NT5DC3: variants seen among roughly 807,000 people sequenced by gnomAD.
The protein encoded by NT5DC3 is 5'-nucleotidase domain-containing protein 3.
In NT5DC3, 42 loss-of-function variants were observed where a neutral mutation model predicts 67.8. That is an observed-to-expected ratio of 0.62 (90% CI 0.48 to 0.80). The LOEUF (loss-of-function observed/expected upper bound fraction) is 0.80, where lower values mean the gene tolerates loss of function less well. NT5DC3 is among the 30% of genes least tolerant of loss of function. NT5DC3 has a pLI of 0.00. For synonymous variants in NT5DC3, 237 were observed against 255.6 expected, an observed-to-expected ratio of 0.93 and a Z score of 0.69; for missense variants, 570 against 696.4, an observed-to-expected ratio of 0.82 and a Z score of 2.04.
chr12:103,840,926 G>T, intron 1 of NT5DC3, 23 bp downstream of exon 1: 11 of 1,325,268 alleles, frequency 8.3e-6, no homozygotes, highest in Non-Finnish European at 1.1e-5. Context: ...CAGGCGCCGG[G>T]GCGGGGTCGC....
rs1180236940 is a variant in NT5DC3 at position 103,775,124 on chromosome 12, T to C, written c.*2705A>G. ...CCTCCATCGTTCACATGGGAATGACTGTGTTCGGCCCCGTTACCGCCACGA... is the reference window on the plus strand; with the variant it reads ...CCTCCATCGTTCACATGGGAATGACCGTGTTCGGCCCCGTTACCGCCACGA... On this transcript the variant is annotated 3_prime_UTR_variant, in exon 14 of 14. Coordinates refer to ENST00000392876, the MANE Select transcript of NT5DC3 (RefSeq NM_001031701.3). The C allele has an allele frequency of 6.6e-6, 1 of 152,144 alleles. No individual in the cohort carries two copies. The highest frequency in any genetic ancestry group is 2.4e-5 in the African/African-American group (1 of 41,414). 9.4% of individuals were successfully genotyped at this position (152,144 alleles called of 1,614,324 possible).
downstream of NT5DC3, chr12:103,770,863 G>A (rs1885165668): frequency 6.6e-6 from 1 of 152,244 alleles, no homozygotes; most frequent in Admixed American, 6.5e-5. Flanking sequence ...AAGCCTTTGG[G>A]AGGTGATTAA....
At chr12:103,822,373 T>C (rs188406021) in intron 1 of NT5DC3, among the ~76,000 whole-genome samples, 1 of 152,086 alleles carries the variant, frequency 6.6e-6, no homozygotes, top group African/African-American at 2.4e-5. Context: ...TAAAAATCCA[T>C]ACAAAAGGAA....
At chr12:103,811,183 G>T (rs962123494) in intron 2 of NT5DC3, among the ~76,000 whole-genome samples, 4 of 151,446 alleles carry the variant, frequency 2.6e-5, no homozygotes, top group African/African-American at 9.8e-5. Context: ...CATTCTACCT[G>T]GGGGGGTAGA....
intron 4 of NT5DC3, among the ~76,000 whole-genome samples, chr12:103,800,639 A>G (rs1886529878): frequency 6.6e-6 from 1 of 152,212 alleles, no homozygotes; most frequent in East Asian, 1.9e-4. Context: ...GCTGCATCGA[A>G]TGAAGAGCCA....
chr12:103,765,350 G>A, the NT5DC3 span, among the ~76,000 whole-genome samples: 1 of 152,136 alleles, frequency 6.6e-6, no homozygotes, highest in Non-Finnish European at 1.5e-5. Flanking sequence ...AGACTACATG[G>A]CAAAAACATT....
intron 2 of NT5DC3, among the ~76,000 whole-genome samples, chr12:103,812,382 G>A (rs935802531): frequency 1.3e-5 from 2 of 152,184 alleles, no homozygotes; most frequent in African/African-American, 4.8e-5. Flanking sequence ...TAATATGCCT[G>A]ATATAATTAG....
rs536769069 is a variant in NT5DC3 at position 103,811,399 on chromosome 12, C to T, written c.393+3538G>A. 3.7e-3 allele frequency among the ~76,000 whole-genome samples: 562 copies of T among 152,132 alleles called. 1 individual carries two copies. The highest frequency in any genetic ancestry group is 0.013 in the African/African-American group (519 of 41,494). The stretch of plus-strand genomic sequence containing the variant: ...AGGAGCAGGAGGGGAGGAGAGGAGA[C>T]GGCTGGAGGAGGCTGGGGAGGCCCT... On this transcript the variant is annotated intron_variant, in intron 2 of 13. Coordinates refer to ENST00000392876, the MANE Select transcript of NT5DC3 (RefSeq NM_001031701.3).
the NT5DC3 span, among the ~76,000 whole-genome samples, chr12:103,748,127 C>T: frequency 5.6e-4 from 85 of 152,134 alleles, no homozygotes; most frequent in African/African-American, 2.0e-3. Context: ...TATATACTTT[C>T]TTTACACAAA....
the NT5DC3 span, chr12:103,750,869 T>A: frequency 1.8e-6 from 2 of 1,101,984 alleles, no homozygotes; most frequent in African/African-American, 1.6e-5. Flanking sequence ...GGCAGATGGA[T>A]CACTTGAGGT....
the NT5DC3 span, among the ~76,000 whole-genome samples, chr12:103,749,872 A>AG: frequency 3.0e-4 from 40 of 131,480 alleles, 4 homozygotes; most frequent in Non-Finnish European, 5.5e-4. Context: ...AAAAAAAAAA[A>AG]GCTGGTAAGA....
At chr12:103,796,273 T>G (rs976131786) in intron 6 of NT5DC3, among the ~76,000 whole-genome samples, 1 of 151,720 alleles carries the variant, frequency 6.6e-6, no homozygotes. Context: ...TCCCAGTACT[T>G]TGGGAGGCTG....
At chr12:103,792,611 C>T (rs1593395188) in intron 9 of NT5DC3, among the ~76,000 whole-genome samples, 1 of 152,276 alleles carries the variant, frequency 6.6e-6, no homozygotes, top group South Asian at 2.1e-4. Flanking sequence ...TAAATACTAA[C>T]AGCACACTCT....
At chr12:103,753,196 C>T in the NT5DC3 span, 739 of 1,612,638 alleles carry the variant, frequency 4.6e-4, 1 homozygote, top group African/African-American at 7.7e-3. Context: ...CTGACCTGGG[C>T]GATTCCTCCT....
Position 103,773,927 on chromosome 12 carries a change from T to C in NT5DC3, c.*3902A>G, listed in dbSNP as rs142741670. Reference sequence around the variant, plus strand: ...GTAGTCTGTAATATGCCCAAATCAGTAGCAAGTGGTTTATGTTACATAATA... The same window carrying C: ...GTAGTCTGTAATATGCCCAAATCAGCAGCAAGTGGTTTATGTTACATAATA... On this transcript the variant is annotated 3_prime_UTR_variant, in exon 14 of 14. Coordinates refer to ENST00000392876, the MANE Select transcript of NT5DC3 (RefSeq NM_001031701.3). The C allele has an allele frequency of 5.4e-4, 82 of 152,706 alleles. 1 individual carries two copies. The highest frequency in any genetic ancestry group is 1.7e-3 in the African/African-American group (71 of 41,554). The allele number at this position is 152,706 out of a possible 1,614,324, so 9.5% of individuals were successfully genotyped here.
At chr12:103,789,048 T>G in intron 9 of NT5DC3, 129 bp from the exon 10 acceptor site, 1 of 679,270 alleles carries the variant, frequency 1.5e-6, no homozygotes, top group South Asian at 1.7e-5. Flanking sequence ...AAACCAAAAC[T>G]CCACCATCAT....
chr12:103,759,357 C>T, the NT5DC3 span: 1 of 1,534,824 alleles, frequency 6.5e-7, no homozygotes, highest in Non-Finnish European at 8.8e-7. Context: ...TAATAGATGG[C>T]AACTATTATG....
At chr12:103,794,294 C>T (rs1031766881) in intron 6 of NT5DC3, among the ~76,000 whole-genome samples, 5 of 88,440 alleles carry the variant, frequency 5.7e-5, no homozygotes, top group Non-Finnish European at 1.2e-4. Context: ...GGATTACAGG[C>T]GCCCGCCAGC....
the NT5DC3 span, among the ~76,000 whole-genome samples, chr12:103,746,974 G>A: frequency 5.5e-5 from 6 of 109,422 alleles, no homozygotes; most frequent in Admixed American, 4.8e-4. Flanking sequence ...TTTTTTTTCC[G>A]AGATGGACTT....
Sources: allele counts gnomAD v4.1 joint callset (sites outside exome capture counted in the v4.1 genomes callset), GRCh38; gene constraint gnomAD v4.1.1; transcripts MANE v1.5; gene names NCBI Gene and HGNC (gene_info 2026-07-23, HGNC 2026-07-21).